KAZN: variants seen among roughly 807,000 people sequenced by gnomAD.
The protein encoded by KAZN is kazrin, periplakin interacting protein, also known as kazrin.
A neutral mutation model predicts 87.4 loss-of-function variants in KAZN; 40 were observed. The observed-to-expected ratio is 0.46, with a 90% CI of 0.36 to 0.60. KAZN has a LOEUF of 0.60. Ranked by LOEUF, KAZN falls within the 20% of genes least tolerant of loss-of-function variation. The pLI, the probability that KAZN is intolerant of heterozygous loss-of-function variation, is 0.00. For synonymous variants in KAZN, 466 were observed against 458.3 expected, an observed-to-expected ratio of 1.02 and a Z score of -0.22; for missense variants, 898 against 1,073.9, an observed-to-expected ratio of 0.84 and a Z score of 2.29.
At chr1:14,099,468 T>C (rs57155840) in intron 1 of KAZN, among the ~76,000 whole-genome samples, 14,111 of 152,192 alleles carry the variant, frequency 0.093, 2,082 homozygotes, top group African/African-American at 0.31. Flanking sequence ...GCAAGTTCAT[T>C]GAACTCCTCA....
chr1:14,472,167 C>T (rs1668490809), intron 2 of KAZN, among the ~76,000 whole-genome samples: 1 of 152,170 alleles, frequency 6.6e-6, no homozygotes, highest in African/African-American at 2.4e-5. Flanking sequence ...GCTCTGCCCT[C>T]ATCACTTAAT....
chr1:14,713,554 T>C (rs1474903298), intron 1 of KAZN, among the ~76,000 whole-genome samples: 1 of 151,904 alleles, frequency 6.6e-6, no homozygotes, highest in Admixed American at 6.6e-5. Context: ...GCTTCTGGCA[T>C]AGGGTGGGTA....
intron 1 of KAZN, among the ~76,000 whole-genome samples, chr1:14,043,473 T>C (rs1011971767): frequency 6.6e-6 from 1 of 152,216 alleles, no homozygotes; most frequent in African/African-American, 2.4e-5. Flanking sequence ...CTGGATCAAA[T>C]GGTAATTCAA....
intron 2 of KAZN, among the ~76,000 whole-genome samples, chr1:14,481,302 G>A (rs1276266884): frequency 6.6e-6 from 1 of 152,130 alleles, no homozygotes; most frequent in Non-Finnish European, 1.5e-5. Context: ...GTTAGTATAT[G>A]AAAAAGCTTT....
chr1:14,358,349 G>A (rs1659215370), intron 2 of KAZN, among the ~76,000 whole-genome samples: 1 of 119,104 alleles, frequency 8.4e-6, no homozygotes, highest in Admixed American at 8.3e-5. Context: ...TATCTATTTT[G>A]TAAATCTTTT....
At chr1:14,529,644 C>T (rs1365477506) in intron 2 of KAZN, among the ~76,000 whole-genome samples, 2 of 152,100 alleles carry the variant, frequency 1.3e-5, no homozygotes, top group Non-Finnish European at 2.9e-5. Flanking sequence ...AAGAGAAAGG[C>T]TGCCCCAATA....
At chr1:14,108,020 C>T (rs989092171) in intron 1 of KAZN, among the ~76,000 whole-genome samples, 1 of 152,120 alleles carries the variant, frequency 6.6e-6, no homozygotes, top group Non-Finnish European at 1.5e-5. Context: ...CAGAATCTAT[C>T]TATCCTTGAA....
At chr1:14,593,797 C>T (rs1406685628), upstream of KAZN, among the ~76,000 whole-genome samples, 1 of 152,126 alleles carries the variant, frequency 6.6e-6, no homozygotes, top group African/African-American at 2.4e-5. Context: ...AAGGCAAAGA[C>T]CTTGAGGTCA....
At chr1:14,421,979 G>T (rs577000345) in intron 2 of KAZN, among the ~76,000 whole-genome samples, 5 of 152,068 alleles carry the variant, frequency 3.3e-5, no homozygotes, top group African/African-American at 1.2e-4. Flanking sequence ...CATCTTCCAC[G>T]CCAATGTCAA....
chr1:14,423,439 C>T (rs1302395521), intron 2 of KAZN, among the ~76,000 whole-genome samples: 3 of 152,220 alleles, frequency 2.0e-5, no homozygotes, highest in South Asian at 4.1e-4. Context: ...GTAAAAATAT[C>T]CCTGAAACGG....
At chr1:14,115,289 T>C (rs913397329) in intron 1 of KAZN, among the ~76,000 whole-genome samples, 2 of 152,240 alleles carry the variant, frequency 1.3e-5, no homozygotes. Context: ...TGACCTCATC[T>C]AACCCTAATT....
At chr1:14,228,945 A>G (rs912386538) in intron 2 of KAZN, among the ~76,000 whole-genome samples, 1 of 152,196 alleles carries the variant, frequency 6.6e-6, no homozygotes, top group Admixed American at 6.5e-5. Context: ...CATACTCAGT[A>G]TGTTATCCAC....
intron 1 of KAZN, among the ~76,000 whole-genome samples, chr1:14,029,607 G>C (rs1352582240): frequency 6.6e-6 from 1 of 150,600 alleles, no homozygotes; most frequent in East Asian, 2.0e-4. Context: ...TATGGTTTTA[G>C]GTCTAACGTT....
chr1:15,073,013 A>AG (rs908343429), intron 8 of KAZN, among the ~76,000 whole-genome samples: 1 of 152,142 alleles, frequency 6.6e-6, no homozygotes, highest in African/African-American at 2.4e-5. Flanking sequence ...GGAACCCCGA[A>AG]GGGGTTCCTC....
chr1:14,784,044 G>A (rs1028403601), intron 1 of KAZN, among the ~76,000 whole-genome samples: 1 of 152,162 alleles, frequency 6.6e-6, no homozygotes, highest in African/African-American at 2.4e-5. Flanking sequence ...TAAGAGATTT[G>A]TTGGAAGGCA....
intron 2 of KAZN, among the ~76,000 whole-genome samples, chr1:14,283,951 A>G (rs1653042966): frequency 6.6e-6 from 1 of 152,212 alleles, no homozygotes; most frequent in Admixed American, 6.5e-5. Context: ...GATACACCCT[A>G]CAATGTGGAT....
At chr1:14,686,224 C>T (rs939361279) in intron 1 of KAZN, among the ~76,000 whole-genome samples, 1 of 152,114 alleles carries the variant, frequency 6.6e-6, no homozygotes, top group Admixed American at 6.5e-5. Flanking sequence ...TGTACCACAC[C>T]CAGCTAATTT....
intron 8 of KAZN, among the ~76,000 whole-genome samples, chr1:15,088,024 C>T (rs1283596432): frequency 1.3e-5 from 2 of 152,218 alleles, no homozygotes; most frequent in African/African-American, 4.8e-5. Context: ...AAACCCAGGG[C>T]TCCCATATTC....
intron 1 of KAZN, among the ~76,000 whole-genome samples, chr1:14,047,231 C>T (rs971104381): frequency 4.6e-5 from 7 of 152,228 alleles, no homozygotes; most frequent in African/African-American, 1.2e-4. Flanking sequence ...CACCCCCTCT[C>T]GGTTCCTGTT....
Sources: allele counts gnomAD v4.1 joint callset (sites outside exome capture counted in the v4.1 genomes callset), GRCh38; gene constraint gnomAD v4.1.1; transcripts MANE v1.5; gene names NCBI Gene and HGNC (gene_info 2026-07-23, HGNC 2026-07-21).